Variants in PCF11 observed in about 807,000 individuals in gnomAD.
The protein encoded by PCF11 is PCF11 cleavage and polyadenylation factor subunit.
PCF11 carries 19 observed loss-of-function variants against 166.1 expected under a neutral mutation model. The ratio of observed to expected loss-of-function variants is 0.11; its 90% CI spans 0.08 to 0.17. The LOEUF is 0.17. Among genes scored for constraint, PCF11 ranks in the 10% least tolerant of loss-of-function variants. The pLI is 1.00. For synonymous variants in PCF11, 663 were observed against 644.1 expected (o/e 1.03, Z -0.44); for missense variants, 1,565 against 1,855.5 (o/e 0.84, Z 2.88).
chr11:83,183,034 T>G lies in PCF11; in HGVS notation c.4417-4T>G. On this transcript the variant is annotated splice_region_variant and splice_polypyrimidine_tract_variant and intron_variant, in intron 14 of 15. Transcript: ENST00000298281. ...CATATTTACTTTTTTTCTTTTTGCT[T>G]CAGATTTATCATCCATCATGTTATG... 7.0e-7 allele frequency: 1 copy of G among 1,427,662 alleles called. No homozygotes were observed. The highest frequency in any genetic ancestry group is 2.3e-5 in the East Asian group (1 of 43,286). The allele number at this position is 1,427,662 out of a possible 1,614,324, so 88.4% of individuals were successfully genotyped here.
At chr11:83,163,491 A>G (rs1023704390) in intron 2 of PCF11, among the ~76,000 whole-genome samples, 188 bp from the exon 3 acceptor site, 1 of 152,182 alleles carries the variant, frequency 6.6e-6, no homozygotes, top group African/African-American at 2.4e-5. Flanking sequence ...AGGCTAGGTG[A>G]AAATGGTTTT....
At chr11:83,160,321 GTTTTTTTTTT>G (rs35201107) in intron 1 of PCF11, among the ~76,000 whole-genome samples, 1 of 91,268 alleles carries the variant, frequency 1.1e-5, no homozygotes, top group Non-Finnish European at 2.1e-5. Flanking sequence ...GATAACCTAA[GTTTTTTTTTT>G]TTTTTTTTTT....
chr11:83,164,491 CT>C (rs1860375646), intron 4 of PCF11, 90 bp downstream of exon 4: 2 of 897,234 alleles, frequency 2.2e-6, no homozygotes, highest in Non-Finnish European at 3.4e-6. Flanking sequence ...TAACATGTTA[CT>C]TTTATTAATA....
rs545295690 is a variant in PCF11, at chr11:83,177,330, T to G, written c.3877+126T>G. 6.9e-6 allele frequency: 5 copies of G among 726,670 alleles called. No individual in the cohort carries two copies. The South Asian group carries it at 1.4e-4, about 21-fold the overall frequency. 45.0% of individuals were successfully genotyped at this position (726,670 alleles called of 1,614,324 possible). ...TAATTGAATTCCTAGGTATAGCTTT[T>G]ATTTTTGATTTTCGGTTTATAATGA... On this transcript the variant is annotated intron_variant, in intron 10 of 15. Coordinates refer to ENST00000298281, the Ensembl canonical transcript of PCF11.
exon 1 of PCF11, chr11:83,157,463 G>A: frequency 1.9e-6 from 3 of 1,612,008 alleles, no homozygotes; most frequent in Non-Finnish European, 1.7e-6. Flanking sequence ...CGCCGGCCGA[G>A]GCCGGTGCTG....
In PCF11 at chr11:83,171,998, G is replaced by T; in HGVS notation, c.3757+84G>T. ...GCTAACTTTGTGAATTTTAGGAAATGACAGTTTTGCAAAGGTATATTTAAT... is the reference window on the plus strand; with the variant it reads ...GCTAACTTTGTGAATTTTAGGAAATTACAGTTTTGCAAAGGTATATTTAAT... On this transcript the variant is annotated intron_variant, in intron 9 of 15. Transcript: ENST00000298281. The T allele has an allele frequency of 4.1e-6, 3 of 734,926 alleles. No individual in the cohort carries two copies. In the South Asian group the frequency reaches 4.6e-5, roughly 11 times the overall value. 45.5% of individuals were successfully genotyped at this position (734,926 alleles called of 1,614,324 possible).
intron 9 of PCF11, among the ~76,000 whole-genome samples, chr11:83,175,840 A>C (rs1860860421): frequency 6.6e-6 from 1 of 152,228 alleles, no homozygotes; most frequent in Non-Finnish European, 1.5e-5. Flanking sequence ...CTCACCAATG[A>C]GGATTCCTTA....
exon 10 of PCF11, chr11:83,177,093 C>A: frequency 6.6e-7 from 1 of 1,526,406 alleles, no homozygotes; most frequent in South Asian, 1.3e-5. Context: ...AGGAGCCCTC[C>A]CTAAGGCATA....
rs202063724 is a variant in PCF11, at chr11:83,169,285, G to C, written c.2950G>C (p.Gly984Arg). The change falls in exon 8 of 16, where the codon GGT becomes CGT. Residue 984 changes from glycine to arginine, a missense_variant. This residue lies in a region of PCF11 where 725 missense variants were observed against 749.3 expected (regional missense o/e 0.97). Coordinates refer to ENST00000298281, the Ensembl canonical transcript of PCF11. ...ACTTGGTGGGAACCTTAGGTTTGAG[G>C]GTCCACATGGTCAGCCAGGGGTTGG... is the stretch of plus-strand genomic sequence containing the variant. 1.4e-4 allele frequency: 226 copies of C among 1,611,828 alleles called. No individual in the cohort carries two copies. The highest frequency in any genetic ancestry group is 5.0e-4 in the Admixed American group (30 of 59,864).
chr11:83,164,529 A>G (rs1860377753), intron 4 of PCF11, 128 bp downstream of exon 4: 1 of 682,452 alleles, frequency 1.5e-6, no homozygotes, highest in Admixed American at 3.1e-5. Flanking sequence ...CTTTTATTTT[A>G]CAAATGAGTA....
exon 5 of PCF11, chr11:83,166,018 T>C (rs1250538364): frequency 6.2e-7 from 1 of 1,600,794 alleles, no homozygotes; most frequent in East Asian, 2.2e-5. Flanking sequence ...CCCTCACCTT[T>C]GAAAAACAAA....
At chr11:83,173,369 C>A (rs1266874325) in intron 9 of PCF11, among the ~76,000 whole-genome samples, 2 of 151,946 alleles carry the variant, frequency 1.3e-5, no homozygotes, top group Non-Finnish European at 2.9e-5. Context: ...GCAGGAGAAT[C>A]GCTTGAACCC....
intron 3 of PCF11, 127 bp downstream of exon 3, chr11:83,163,994 A>AG (rs1289661464): frequency 1.7e-6 from 1 of 590,700 alleles, no homozygotes; most frequent in African/African-American, 1.9e-5. Context: ...TTGAAAAAAA[A>AG]AAAAATAGTG....
intron 7 of PCF11, 131 bp from the exon 8 acceptor site, chr11:83,168,297 C>A: frequency 1.2e-6 from 1 of 846,896 alleles, no homozygotes; most frequent in Non-Finnish European, 1.8e-6. Flanking sequence ...CTCTTATCTG[C>A]TGCTTTACGC....
At chr11:83,160,327 T>TG (rs1860189990) in intron 1 of PCF11, among the ~76,000 whole-genome samples, 1 of 144,494 alleles carries the variant, frequency 6.9e-6, no homozygotes, top group Non-Finnish European at 1.5e-5. Flanking sequence ...CTAAGTTTTT[T>TG]TTTTTTTTTT....
At chr11:83,169,336 C>A in exon 8 of PCF11, 2 of 1,611,838 alleles carry the variant, frequency 1.2e-6, no homozygotes, top group African/African-American at 1.3e-5. Flanking sequence ...CCCTTTAGTC[C>A]AACAAGGAGG....
In PCF11 at chr11:83,167,653, G is replaced by C. The variant is rs1421285722; in HGVS notation, c.2092+148G>C. 1 of 1,529,744 alleles carries C rather than the reference G, an allele frequency of 6.5e-7. No individual in the cohort carries two copies. The highest frequency in any genetic ancestry group is 2.0e-5 in the Admixed American group (1 of 50,810). 94.8% of individuals were successfully genotyped at this position (1,529,744 alleles called of 1,614,324 possible). ...ACACAGGTTCAGCATTCATTTCCAA[G>C]ACTTGATCTCTTAGATCCTGATATT... On this transcript the variant is annotated intron_variant, in intron 7 of 15. Transcript: ENST00000298281. This position sits in a 1 kb window ranked among gnomAD's most constrained non-coding sequence, Gnocchi z 4.2.
intron 3 of PCF11, 148 bp from the exon 4 acceptor site, chr11:83,164,057 ATG>A: frequency 1.6e-6 from 1 of 611,482 alleles, no homozygotes; most frequent in Non-Finnish European, 2.8e-6. Context: ...TTTAGGTATT[ATG>A]TAACATTTAT....
intron 2 of PCF11, among the ~76,000 whole-genome samples, chr11:83,163,376 T>G (rs1427292775): frequency 6.6e-6 from 1 of 151,942 alleles, no homozygotes; most frequent in East Asian, 1.9e-4. Flanking sequence ...TGTCTTACAT[T>G]TTTTTTTCCC....
Sources: allele counts gnomAD v4.1 joint callset (sites outside exome capture counted in the v4.1 genomes callset), GRCh38; gene constraint gnomAD v4.1.1; regional missense constraint gnomAD v4.1.1; non-coding constraint Gnocchi (gnomAD v3.1); transcripts MANE v1.5; gene names NCBI Gene and HGNC (gene_info 2026-07-23, HGNC 2026-07-21).